Variants in NRG1 observed in about 807,000 individuals in gnomAD.
NRG1 encodes the protein pro-neuregulin-1, membrane-bound isoform.
A neutral mutation model predicts 63.8 loss-of-function variants in NRG1; 18 were observed. The ratio of observed to expected loss-of-function variants is 0.28; its 90% CI spans 0.19 to 0.42. The LOEUF is 0.42. Ranked by LOEUF, NRG1 falls within the 10% of genes least tolerant of loss-of-function variation. The pLI, the probability that NRG1 is intolerant of heterozygous loss-of-function variation, is 1.00. For synonymous variants in NRG1, 302 were observed against 301.3 expected, an observed-to-expected ratio of 1.00 and a Z score of -0.02; for missense variants, 762 against 814.7, an observed-to-expected ratio of 0.94 and a Z score of 0.79.
At chr8:31,845,664 T>A (rs1041986316) in intron 1 of NRG1, among the ~76,000 whole-genome samples, 34 of 152,198 alleles carry the variant, frequency 2.2e-4, no homozygotes, top group African/African-American at 8.2e-4. Context: ...TTCCTTTAAT[T>A]GCATTCTGAC....
At chr8:31,933,834 A>G (rs2129620217) in intron 1 of NRG1, among the ~76,000 whole-genome samples, 1 of 152,318 alleles carries the variant, frequency 6.6e-6, no homozygotes, top group South Asian at 2.1e-4. Flanking sequence ...ATTACTACCT[A>G]AAATACACTT....
chr8:32,590,087 C>A (rs747432669), intron 1 of NRG1, among the ~76,000 whole-genome samples: 2 of 152,102 alleles, frequency 1.3e-5, no homozygotes, highest in Non-Finnish European at 2.9e-5. Context: ...TATTTGTGAT[C>A]TTTTAAGATA....
intron 1 of NRG1, among the ~76,000 whole-genome samples, chr8:32,075,916 G>A (rs113898920): frequency 0.028 from 4,182 of 151,686 alleles, 189 homozygotes; most frequent in African/African-American, 0.091. Flanking sequence ...CAAGTGATCC[G>A]CCCACCTTGG....
At chr8:31,839,246 A>G (rs13277654) in intron 1 of NRG1, among the ~76,000 whole-genome samples, 21,298 of 152,190 alleles carry the variant, frequency 0.14, 1,625 homozygotes, top group Admixed American at 0.17. Context: ...CTTGTTCTAT[A>G]TAAAAACCCC....
At chr8:32,029,636 A>G (rs2130443696) in intron 1 of NRG1, among the ~76,000 whole-genome samples, 1 of 152,308 alleles carries the variant, frequency 6.6e-6, no homozygotes, top group African/African-American at 2.4e-5. Context: ...AAGCTTTCAA[A>G]TTGTTTAAGT....
At chr8:32,560,761 G>C (rs547071264) in intron 1 of NRG1, among the ~76,000 whole-genome samples, 1 of 152,290 alleles carries the variant, frequency 6.6e-6, no homozygotes, top group South Asian at 2.1e-4. Flanking sequence ...CACAATTCTT[G>C]CTACCATTAA....
chr8:32,351,220 T>G (rs565517989), intron 1 of NRG1, among the ~76,000 whole-genome samples: 1 of 152,332 alleles, frequency 6.6e-6, no homozygotes. Flanking sequence ...CTCTTTTTCC[T>G]TACTTTGTAA....
At chr8:32,637,595 G>A (rs1312988615) in intron 5 of NRG1, among the ~76,000 whole-genome samples, 2 of 152,162 alleles carry the variant, frequency 1.3e-5, no homozygotes, top group South Asian at 2.1e-4. Context: ...AGCTACTGCA[G>A]TAATGTTCGG....
chr8:32,159,991 G>T (rs1838646813), intron 1 of NRG1, among the ~76,000 whole-genome samples: 1 of 152,170 alleles, frequency 6.6e-6, no homozygotes, highest in Non-Finnish European at 1.5e-5. Context: ...TCCTAAGAAG[G>T]ATCTTGGGGA....
intron 1 of NRG1, among the ~76,000 whole-genome samples, chr8:32,501,628 A>G (rs578236582): frequency 1.3e-5 from 2 of 152,370 alleles, no homozygotes; most frequent in East Asian, 3.9e-4. Flanking sequence ...ATACTTAGTT[A>G]TCTATTTAAC....
intron 6 of NRG1, among the ~76,000 whole-genome samples, chr8:32,728,838 G>T (rs1404104758): frequency 6.6e-6 from 1 of 152,060 alleles, no homozygotes; most frequent in Non-Finnish European, 1.5e-5. Context: ...GGCCGAGGCG[G>T]GCAGATCACG....
intron 1 of NRG1, among the ~76,000 whole-genome samples, chr8:32,459,928 C>T (rs113029488): frequency 2.0e-3 from 303 of 152,304 alleles, no homozygotes; most frequent in Non-Finnish European, 3.7e-3. Context: ...TCATAGAGGC[C>T]TTCTCTCACC....
intron 1 of NRG1, among the ~76,000 whole-genome samples, chr8:31,909,920 T>C (rs546378032): frequency 1.3e-5 from 2 of 152,284 alleles, no homozygotes; most frequent in Non-Finnish European, 2.9e-5. Flanking sequence ...CTCTTCGTGA[T>C]GTGAGGTCAA....
intron 1 of NRG1, among the ~76,000 whole-genome samples, chr8:32,270,664 A>G (rs1851446931): frequency 6.6e-6 from 1 of 152,192 alleles, no homozygotes; most frequent in African/African-American, 2.4e-5. Context: ...CAATTTCAAC[A>G]TGAAGGTCCG....
At chr8:31,832,122 T>G (rs947291302) in intron 1 of NRG1, among the ~76,000 whole-genome samples, 14 of 152,292 alleles carry the variant, frequency 9.2e-5, no homozygotes, top group African/African-American at 3.4e-4. Flanking sequence ...CATTGTGGAT[T>G]CTTCAGATGT....
chr8:31,750,543 T>C (rs1307138411), intron 1 of NRG1, among the ~76,000 whole-genome samples: 2 of 151,920 alleles, frequency 1.3e-5, no homozygotes, highest in African/African-American at 4.8e-5. Flanking sequence ...CAAGTGCACT[T>C]AACAGTGGAC....
chr8:31,750,860 C>T (rs904362750), intron 1 of NRG1, among the ~76,000 whole-genome samples: 3 of 151,844 alleles, frequency 2.0e-5, no homozygotes, highest in African/African-American at 7.3e-5. Context: ...CTCCCTGGTT[C>T]CCAGCGTGCT....
At chr8:31,718,190 G>A (rs75139527) in intron 1 of NRG1, among the ~76,000 whole-genome samples, 1 of 148,142 alleles carries the variant, frequency 6.8e-6, no homozygotes, top group Non-Finnish European at 1.5e-5. Context: ...TTTTTTTTTT[G>A]TCTGAAGTTG....
At chr8:32,773,608 C>T (rs1054244868) in intron 7 of NRG1, among the ~76,000 whole-genome samples, 1 of 152,214 alleles carries the variant, frequency 6.6e-6, no homozygotes, top group Non-Finnish European at 1.5e-5. Flanking sequence ...CACCCTCCTT[C>T]ACAGCCTCAC....
Sources: allele counts gnomAD v4.1 joint callset (sites outside exome capture counted in the v4.1 genomes callset), GRCh38; gene constraint gnomAD v4.1.1; transcripts MANE v1.5; gene names NCBI Gene and HGNC (gene_info 2026-07-23, HGNC 2026-07-21).